Variants in ADCY10 observed in about 807,000 individuals in gnomAD.
ADCY10 encodes the protein adenylate cyclase type 10.
Under a neutral mutation model 183.3 loss-of-function variants are expected in ADCY10, and 156 were observed. That is an observed-to-expected ratio of 0.85 (90% CI 0.75 to 0.97). The LOEUF is 0.97. Ranked by LOEUF, ADCY10 falls within the 50% of genes least tolerant of loss-of-function variation. The pLI is 0.00. For synonymous variants in ADCY10, 645 were observed against 670.0 expected, an observed-to-expected ratio of 0.96 and a Z score of 0.58; for missense variants, 1,745 against 1,934.3, an observed-to-expected ratio of 0.90 and a Z score of 1.84.
intron 31 of ADCY10, among the ~76,000 whole-genome samples, chr1:167,812,346 G>A (rs1662270989): frequency 6.6e-6 from 1 of 152,090 alleles, no homozygotes; most frequent in South Asian, 2.1e-4. Context: ...TAAATACTAG[G>A]ACATTCAAAA....
At chr1:167,870,806 T>TAAA (rs397940719) in intron 13 of ADCY10, among the ~76,000 whole-genome samples, 2 of 129,024 alleles carry the variant, frequency 1.6e-5, no homozygotes, top group Admixed American at 7.8e-5. Flanking sequence ...AAACTCCATC[T>TAAA]AAAAAAAAAA....
intron 1 of ADCY10, among the ~76,000 whole-genome samples, chr1:167,913,744 G>A (rs1348508719): frequency 6.6e-6 from 1 of 151,620 alleles, no homozygotes; most frequent in Admixed American, 6.6e-5. Flanking sequence ...GGCAAATAAA[G>A]AAAGTAAGCT....
chr1:167,892,569 T>C (rs1453233020), intron 8 of ADCY10, among the ~76,000 whole-genome samples: 2 of 152,184 alleles, frequency 1.3e-5, no homozygotes, highest in East Asian at 3.8e-4. Flanking sequence ...AGAAGCATAA[T>C]GTATTATATC....
At chr1:167,913,769 T>A (rs1409015653) in intron 1 of ADCY10, among the ~76,000 whole-genome samples, 1 of 152,078 alleles carries the variant, frequency 6.6e-6, no homozygotes, top group Non-Finnish European at 1.5e-5. Context: ...AGACAGAGCA[T>A]CCAGGTTGAG....
chr1:167,855,286 C>G (rs1442023863), intron 17 of ADCY10, among the ~76,000 whole-genome samples: 2 of 152,176 alleles, frequency 1.3e-5, no homozygotes. Context: ...TGCCATTGCA[C>G]TCCAGCCTGG....
chr1:167,840,782 C>T (rs943274505), intron 21 of ADCY10, among the ~76,000 whole-genome samples: 2 of 151,966 alleles, frequency 1.3e-5, no homozygotes, highest in Admixed American at 1.3e-4. Context: ...TATAGGTTCT[C>T]AAATGAAAAG....
At chr1:167,904,944 G>A (rs1193543502) in intron 2 of ADCY10, 49 bp downstream of exon 2, 57 of 1,613,510 alleles carry the variant, frequency 3.5e-5, no homozygotes, top group Non-Finnish European at 4.5e-5. Flanking sequence ...GAATTCCCAC[G>A]CGAGCCTGTT....
chr1:167,840,236 A>C (rs1435758864), intron 21 of ADCY10, among the ~76,000 whole-genome samples: 1 of 152,146 alleles, frequency 6.6e-6, no homozygotes, highest in Admixed American at 6.5e-5. Flanking sequence ...TGTCTCAAAA[A>C]AAAAAAATGG....
At chr1:167,889,045 T>C (rs1481844404) in intron 8 of ADCY10, among the ~76,000 whole-genome samples, 3 of 152,176 alleles carry the variant, frequency 2.0e-5, no homozygotes, top group Admixed American at 6.5e-5. Flanking sequence ...TAATTTGACT[T>C]CTTCCTTTCC....
At chr1:167,906,190 T>C (rs1224501116) in intron 1 of ADCY10, among the ~76,000 whole-genome samples, 2 of 152,174 alleles carry the variant, frequency 1.3e-5, no homozygotes, top group East Asian at 3.9e-4. Context: ...GGGAAAAATA[T>C]TTGTACATTT....
In ADCY10 at chr1:167,829,259, TC is replaced by T; in HGVS notation, c.3750+7del. On this transcript the variant is annotated splice_region_variant and intron_variant, in intron 26 of 32. Transcript: ENST00000367851. ...AAACTTAAAGGAGCAGCTACAAAAA[TC>T]CCCTACCTGGAAACAATTTTGAGTT... is the stretch of plus-strand genomic sequence containing the variant. 2 of 1,613,878 alleles carry T rather than the reference TC, an allele frequency of 1.2e-6. No individual in the cohort carries two copies. Among genetic ancestry groups the T allele is most frequent in the Non-Finnish European group, 1.7e-6 (2 of 1,179,856 alleles).
In ADCY10 at chr1:167,809,462, G is replaced by T. The variant is rs977746423; in HGVS notation, c.*216C>A. On this transcript the variant is annotated 3_prime_UTR_variant, in exon 33 of 33. Transcript: ENST00000367851. ...CAGGTCAAGCTAAAACAACATGAAT[G>T]GTAAAAGCAATTTTTTGTAACATTA... 3.5e-6 allele frequency: 2 copies of T among 571,112 alleles called. No individual in the cohort carries two copies. The highest frequency in any genetic ancestry group is 6.2e-6 in the Non-Finnish European group (2 of 324,864). 35.4% of individuals were successfully genotyped at this position (571,112 alleles called of 1,614,324 possible). A position where few individuals can be genotyped will look rare whatever the true frequency, so the allele number is the denominator to read the frequency against.
Position 167,825,030 on chromosome 1 carries a change from A to G in ADCY10, c.3751-175T>C, listed in dbSNP as rs141424616. Among the ~76,000 whole-genome samples the G allele has an allele frequency of 6.0e-3, 921 of 152,380 alleles. 1 individual carries two copies. The highest frequency in any genetic ancestry group is 0.017 in the Middle Eastern group (5 of 294). ...CAAATTGGGTTTCTGCTACCTGTTT[A>G]CTGAGTCATTCAGGATAAGCTTGAT... On this transcript the variant is annotated intron_variant, in intron 26 of 32. Transcript: ENST00000367851.
intron 22 of ADCY10, 33 bp downstream of exon 22, chr1:167,837,216 C>T (rs1026057192): frequency 2.0e-6 from 3 of 1,536,704 alleles, no homozygotes; most frequent in African/African-American, 2.7e-5. Flanking sequence ...ATTATTTATG[C>T]TCTACTTCCT....
Position 167,893,960 on chromosome 1 carries a change from G to A in ADCY10, c.740-19C>T, listed in dbSNP as rs1338206156. On this transcript the variant is annotated intron_variant, in intron 7 of 32. Coordinates refer to ENST00000367851, the MANE Select transcript of ADCY10 (RefSeq NM_018417.6). ...AGGAGGTCTAAGAAGGCAGAAGGAG[G>A]GTGCAGGCTCAGAGAGGGAAGTTTG... 13 of 1,597,054 alleles carry A rather than the reference G, an allele frequency of 8.1e-6. No homozygotes were observed. The highest frequency in any genetic ancestry group is 1.0e-5 in the Non-Finnish European group (12 of 1,165,168).
chr1:167,861,990 T>A (rs992170525), intron 14 of ADCY10, among the ~76,000 whole-genome samples: 2 of 152,302 alleles, frequency 1.3e-5, no homozygotes, highest in South Asian at 2.1e-4. Context: ...ATGATTATAA[T>A]TTTCCTGAGG....
chr1:167,811,899 T>A (rs1389780629), intron 31 of ADCY10, among the ~76,000 whole-genome samples: 1 of 152,212 alleles, frequency 6.6e-6, no homozygotes, highest in African/African-American at 2.4e-5. Context: ...ATCATTACAC[T>A]GGCAGAATCT....
intron 26 of ADCY10, among the ~76,000 whole-genome samples, chr1:167,825,273 T>C (rs1476076): frequency 0.41 from 61,748 of 151,620 alleles, 12,825 homozygotes; most frequent in Admixed American, 0.46. Context: ...GCATGTATAA[T>C]TTTTGTAATT....
rs1663552555 is a variant in ADCY10 at position 167,829,433 on chromosome 1, A to G, written c.3594-10T>C. On this transcript the variant is annotated splice_polypyrimidine_tract_variant and intron_variant, in intron 25 of 32. Transcript: ENST00000367851. ...TGCCAGCCTCTTCTTCCTATTGGAT[A>G]AGGTAAACACAAATGGAACATGAAA... The G allele has an allele frequency of 1.9e-6, 3 of 1,613,964 alleles. No individual in the cohort carries two copies. Among genetic ancestry groups the G allele is most frequent in the African/African-American group, 2.7e-5 (2 of 74,926 alleles).
Sources: allele counts gnomAD v4.1 joint callset (sites outside exome capture counted in the v4.1 genomes callset), GRCh38; gene constraint gnomAD v4.1.1; transcripts MANE v1.5; gene names NCBI Gene and HGNC (gene_info 2026-07-23, HGNC 2026-07-21).